The following CALN1 variants were observed in gnomAD, a reference collection of about 807,000 sequenced individuals.
The protein encoded by CALN1 is calcium-binding protein 8.
Under a neutral mutation model 30.6 loss-of-function variants are expected in CALN1, and 17 were observed. The ratio of observed to expected loss-of-function variants is 0.56; its 90% CI spans 0.38 to 0.83. The LOEUF is 0.83. Among genes scored for constraint, CALN1 ranks in the 40% least tolerant of loss-of-function variants. CALN1 has a pLI of 0.00. For missense variants in CALN1, 291 were observed against 354.9 expected (o/e 0.82, Z 1.45); for synonymous variants, 156 against 131.4 (o/e 1.19, Z -1.28).
At chr7:71,818,602 T>C (rs2116292760) in intron 5 of CALN1, among the ~76,000 whole-genome samples, 1 of 152,198 alleles carries the variant, frequency 6.6e-6, no homozygotes, top group Non-Finnish European at 1.5e-5. Context: ...ATTCCTGTGC[T>C]CAAGTGATCC....
rs184789010 is a variant in CALN1, at chr7:71,880,939, G to A, written c.502-70447C>T. Among the ~76,000 whole-genome samples, 139 of 152,244 alleles carry A rather than the reference G, an allele frequency of 9.1e-4. 3 individuals carry two copies. The East Asian group carries it at 0.023, about 25-fold the overall frequency. On this transcript the variant is annotated intron_variant, in intron 5 of 6. Transcript: ENST00000395275. ...TCCTGGCTGTGTCTGTGAGGATGTT[G>A]CCAAAGGAGATTAACATTTGGGTCA...
At chr7:71,806,305 C>T (rs4584036) in intron 6 of CALN1, among the ~76,000 whole-genome samples, 2 of 140,786 alleles carry the variant, frequency 1.4e-5, no homozygotes, top group Non-Finnish European at 3.0e-5. Flanking sequence ...GTTTCCCCCT[C>T]CTTTTTTTTT....
At chr7:72,339,087 C>T (rs1291826416) in intron 2 of CALN1, among the ~76,000 whole-genome samples, 2 of 151,736 alleles carry the variant, frequency 1.3e-5, no homozygotes, top group African/African-American at 2.4e-5. Context: ...CTTTCTGTGC[C>T]GGGTTTATTT....
At chr7:72,449,111 T>G (rs975494871), upstream of CALN1, among the ~76,000 whole-genome samples, 1 of 152,162 alleles carries the variant, frequency 6.6e-6, no homozygotes, top group African/African-American at 2.4e-5. Flanking sequence ...CTTCCCCTTT[T>G]GAGCCTGGGT....
At chr7:72,250,952 T>TG (rs1171960772) in intron 3 of CALN1, among the ~76,000 whole-genome samples, 2 of 152,328 alleles carry the variant, frequency 1.3e-5, no homozygotes, top group Non-Finnish European at 2.9e-5. Context: ...GTTAAGAGCC[T>TG]GGCTTTCCTT....
In CALN1 at chr7:72,429,400, C is replaced by T. The variant is rs146215775; in HGVS notation, c.-225-17125G>A. On this transcript the variant is annotated intron_variant, in intron 1 of 6. Transcript: ENST00000395276. ...AAATATCCCCCAAAAATGAATGTGG[C>T]GTAATGTGGGATTTTCCCCTCATTT... Among the ~76,000 whole-genome samples the T allele has an allele frequency of 5.4e-4, 82 of 152,202 alleles. 1 individual carries two copies. The East Asian group carries it at 0.015, about 28-fold the overall frequency.
At chr7:72,485,438 ATT>A in the CALN1 span, among the ~76,000 whole-genome samples, 1 of 152,352 alleles carries the variant, frequency 6.6e-6, no homozygotes, top group Admixed American at 6.5e-5. Flanking sequence ...AGTTTTTGCT[ATT>A]TTAATTTAAT....
intron 2 of CALN1, among the ~76,000 whole-genome samples, chr7:72,384,201 T>C (rs1360879023): frequency 6.6e-6 from 1 of 152,344 alleles, no homozygotes; most frequent in East Asian, 1.9e-4. Context: ...TTTTCCATTA[T>C]GTGGACTTAC....
chr7:72,096,696 T>G (rs1239749652), intron 4 of CALN1, among the ~76,000 whole-genome samples: 1 of 152,114 alleles, frequency 6.6e-6, no homozygotes, highest in Non-Finnish European at 1.5e-5. Context: ...CAGGAAAAGT[T>G]TTACACTGAT....
At chr7:72,456,142 C>T in the CALN1 span, among the ~76,000 whole-genome samples, 1 of 151,264 alleles carries the variant, frequency 6.6e-6, no homozygotes, top group African/African-American at 2.4e-5. Flanking sequence ...CAAGATCGTG[C>T]CACTGCACTC....
chr7:71,851,249 ACAC>A (rs1446711657), intron 5 of CALN1, among the ~76,000 whole-genome samples: 31 of 150,382 alleles, frequency 2.1e-4, no homozygotes, highest in African/African-American at 6.4e-4. Context: ...ACACACACAC[ACAC>A]ATCACACATA....
At chr7:72,231,413 T>G (rs1794091366) in intron 3 of CALN1, among the ~76,000 whole-genome samples, 1 of 152,230 alleles carries the variant, frequency 6.6e-6, no homozygotes, top group Non-Finnish European at 1.5e-5. Context: ...ATTAGACTGC[T>G]GAGGATAACG....
intron 2 of CALN1, among the ~76,000 whole-genome samples, chr7:72,286,734 G>C (rs916405392): frequency 2.0e-5 from 3 of 152,216 alleles, no homozygotes; most frequent in African/African-American, 7.2e-5. Context: ...AATCAGACAA[G>C]AATGAGTAAG....
intron 4 of CALN1, among the ~76,000 whole-genome samples, chr7:72,083,980 G>C (rs1232426408): frequency 6.6e-6 from 1 of 152,002 alleles, no homozygotes; most frequent in African/African-American, 2.4e-5. Flanking sequence ...AGACCAAGGT[G>C]GGTGGATCAC....
At chr7:72,451,285 C>T (rs1184763831), upstream of CALN1, among the ~76,000 whole-genome samples, 8 of 101,534 alleles carry the variant, frequency 7.9e-5, no homozygotes, top group African/African-American at 2.0e-4. Flanking sequence ...GAAGAAGGGG[C>T]GAAGGGAAGA....
At chr7:72,010,892 T>C (rs1285615675) in intron 5 of CALN1, among the ~76,000 whole-genome samples, 1 of 149,972 alleles carries the variant, frequency 6.7e-6, no homozygotes, top group African/African-American at 2.5e-5. Flanking sequence ...TGGTGGCTAA[T>C]GCCTGTAATC....
chr7:71,799,805 T>C (rs1254984751), intron 6 of CALN1, among the ~76,000 whole-genome samples: 1 of 152,084 alleles, frequency 6.6e-6, no homozygotes, highest in Non-Finnish European at 1.5e-5. Context: ...CAGAATCTCA[T>C]TGCTTCCTAC....
At chr7:72,278,514 C>CACACACACACA (rs71515105) in intron 3 of CALN1, among the ~76,000 whole-genome samples, 172 bp downstream of exon 3, 1 of 145,044 alleles carries the variant, frequency 6.9e-6, no homozygotes, top group Non-Finnish European at 1.5e-5. Flanking sequence ...CACACACACA[C>CACACACACACA]GTCACTTGGG....
At chr7:71,985,584 C>CTTTTTTT (rs962922789) in intron 5 of CALN1, among the ~76,000 whole-genome samples, 11 of 96,438 alleles carry the variant, frequency 1.1e-4, no homozygotes, top group East Asian at 3.8e-4. Flanking sequence ...AGGTAGTTTT[C>CTTTTTTT]TTTTTTTTTT....
Sources: allele counts gnomAD v4.1 joint callset (sites outside exome capture counted in the v4.1 genomes callset), GRCh38; gene constraint gnomAD v4.1.1; transcripts MANE v1.5; gene names NCBI Gene and HGNC (gene_info 2026-07-23, HGNC 2026-07-21).